OR5D3: variants seen among roughly 807,000 people sequenced by gnomAD.
OR5D3 encodes the protein olfactory receptor family 5 subfamily D member 3, also known as olfactory receptor 5D3.
At chr11:55,726,345 C>G in the OR5D3 span, 1 of 462,030 alleles carries the variant, frequency 2.2e-6, no homozygotes, top group Non-Finnish European at 3.9e-6. Flanking sequence ...GGAATCTGGG[C>G]ATGATCATGG....
chr11:55,725,549 A>C, the OR5D3 span, among the ~76,000 whole-genome samples: 4 of 152,114 alleles, frequency 2.6e-5, no homozygotes, highest in Non-Finnish European at 4.4e-5. Flanking sequence ...CTACAGAAAC[A>C]TACATCACAT....
chr11:55,727,628 T>G, the OR5D3 span: 1 of 152,002 alleles, frequency 6.6e-6, no homozygotes, highest in Non-Finnish European at 1.5e-5. Context: ...ATAAGAAAAT[T>G]ATCTTCCTTA....
the OR5D3 span, among the ~76,000 whole-genome samples, chr11:55,724,551 T>C: frequency 1.3e-5 from 2 of 152,058 alleles, no homozygotes; most frequent in East Asian, 3.9e-4. Context: ...AGCATGTGCT[T>C]TATAATAACT....
At chr11:55,723,988 T>A in the OR5D3 span, 1 of 398,068 alleles carries the variant, frequency 2.5e-6, no homozygotes, top group Middle Eastern at 6.3e-4. Context: ...GGGAGCATTA[T>A]TGGAGTTCGT....
chr11:55,726,134 T>C, the OR5D3 span: 7 of 397,402 alleles, frequency 1.8e-5, no homozygotes, highest in Admixed American at 8.8e-5. Flanking sequence ...ACTAAGTCTC[T>C]CAATATTTCT....
the OR5D3 span, chr11:55,728,428 A>T: frequency 6.6e-6 from 1 of 152,116 alleles, no homozygotes; most frequent in Non-Finnish European, 1.5e-5. Context: ...AATGCCAGAT[A>T]ACTTTACTGC....
chr11:55,727,573 A>G, the OR5D3 span: 2 of 152,322 alleles, frequency 1.3e-5, no homozygotes, highest in Non-Finnish European at 2.9e-5. Context: ...TTAATTCTGT[A>G]TGGGCAACTT....
the OR5D3 span, chr11:55,726,927 C>T: frequency 0.088 from 35,058 of 399,366 alleles, 1,723 homozygotes; most frequent in African/African-American, 0.16. Flanking sequence ...AGAAAGCGTT[C>T]TCCACGTGTG....
the OR5D3 span, among the ~76,000 whole-genome samples, chr11:55,724,295 G>A: frequency 6.6e-6 from 1 of 151,940 alleles, no homozygotes; most frequent in African/African-American, 2.4e-5. Flanking sequence ...TACTTTGGCA[G>A]ATAAAGAAGA....
the OR5D3 span, chr11:55,726,895 A>T: frequency 2.5e-6 from 1 of 399,196 alleles, no homozygotes; most frequent in Non-Finnish European, 4.4e-6. Flanking sequence ...TGTCATGAAG[A>T]TGCCTTCCAC....
the OR5D3 span, chr11:55,727,803 A>C: frequency 2.6e-5 from 4 of 152,062 alleles, no homozygotes; most frequent in Admixed American, 2.6e-4. Flanking sequence ...TATTTATTAA[A>C]AATTTTATTG....
chr11:55,726,487 A>G, the OR5D3 span: 1 of 449,856 alleles, frequency 2.2e-6, no homozygotes, highest in Non-Finnish European at 4.0e-6. Flanking sequence ...AGACAGAATC[A>G]TCTCCTTCAC....
the OR5D3 span, chr11:55,729,252 G>C: frequency 6.6e-6 from 1 of 151,904 alleles, no homozygotes; most frequent in Non-Finnish European, 1.5e-5. Context: ...ATACATTTTA[G>C]ATAATGTAAG....
chr11:55,726,264 C>T, the OR5D3 span: 2 of 405,840 alleles, frequency 4.9e-6, no homozygotes, highest in Non-Finnish European at 8.7e-6. Flanking sequence ...TCTTGGGCTT[C>T]TCAGAATTTC....
At chr11:55,724,508 G>A in the OR5D3 span, among the ~76,000 whole-genome samples, 1 of 151,994 alleles carries the variant, frequency 6.6e-6, no homozygotes, top group Non-Finnish European at 1.5e-5. Flanking sequence ...TTATAAAAGT[G>A]AGAATAGATA....
At chr11:55,727,213 C>A in the OR5D3 span, 1 of 397,508 alleles carries the variant, frequency 2.5e-6, no homozygotes, top group Non-Finnish European at 4.4e-6. Context: ...TGTTCAATAA[C>A]TAGTCATTGC....
chr11:55,726,787 C>A, the OR5D3 span: 1 of 398,902 alleles, frequency 2.5e-6, no homozygotes, highest in Non-Finnish European at 4.4e-6. Flanking sequence ...CTGCTCTGAC[C>A]CCTACATGAG....
chr11:55,726,363 G>A, the OR5D3 span: 55 of 469,260 alleles, frequency 1.2e-4, 1 homozygote, highest in African/African-American at 9.7e-4. Flanking sequence ...TGGTCATCAG[G>A]ATCAACCCCA....
chr11:55,724,679 T>TA, the OR5D3 span, among the ~76,000 whole-genome samples: 487 of 152,130 alleles, frequency 3.2e-3, 7 homozygotes, highest in African/African-American at 0.011. Flanking sequence ...CATTCATCAA[T>TA]AAAAAACATT....
Sources: gnomAD v4.1 joint callset for allele counts (sites outside exome capture counted in the v4.1 genomes callset) on GRCh38, gnomAD v4.1.1 for gene constraint, MANE v1.5 for transcripts, NCBI Gene and HGNC (gene_info 2026-07-23, HGNC 2026-07-21) for gene names.